The following SNTG1 variants were observed in gnomAD, a reference collection of about 807,000 sequenced individuals.
The protein encoded by SNTG1 is gamma-1-syntrophin.
Under a neutral mutation model 74.7 loss-of-function variants are expected in SNTG1, and 39 were observed. The observed-to-expected ratio is 0.52, with a 90% CI of 0.40 to 0.68. The LOEUF (loss-of-function observed/expected upper bound fraction) is 0.68, where lower values mean the gene tolerates loss of function less well. SNTG1 is among the 30% of genes least tolerant of loss of function. The pLI is 0.00. For synonymous variants in SNTG1, 254 were observed against 217.1 expected, an observed-to-expected ratio of 1.17 and a Z score of -1.49; for missense variants, 685 against 609.5, an observed-to-expected ratio of 1.12 and a Z score of -1.30.
rs188032216 is a variant in SNTG1 at position 50,603,615 on chromosome 8, G to T, written c.849+12698G>T. Among the ~76,000 whole-genome samples the T allele has an allele frequency of 4.3e-3, 649 of 152,134 alleles. 9 individuals are homozygous for T. The highest frequency in any genetic ancestry group is 0.014 in the African/African-American group (587 of 41,512). On this transcript the variant is annotated intron_variant, in intron 13 of 18. Coordinates refer to ENST00000642720, the MANE Select transcript of SNTG1 (RefSeq NM_018967.5). ...GGCATTGAAAATTTGGATATTTATT[G>T]TAGTCCTCACAGTCTAGGCTTGTTA...
intron 1 of SNTG1, among the ~76,000 whole-genome samples, chr8:50,058,056 G>A (rs556722927): frequency 4.5e-4 from 68 of 152,058 alleles, no homozygotes; most frequent in African/African-American, 1.5e-3. Context: ...AATTTCTATG[G>A]GTGAAAAATC....
intron 2 of SNTG1, among the ~76,000 whole-genome samples, chr8:50,361,324 T>A (rs1229703044): frequency 6.6e-6 from 1 of 152,180 alleles, no homozygotes. Flanking sequence ...TTCTTCTGAA[T>A]ACCTCTGGAA....
At chr8:50,739,272 CA>C (rs892624006) in intron 17 of SNTG1, among the ~76,000 whole-genome samples, 8 of 151,940 alleles carry the variant, frequency 5.3e-5, no homozygotes, top group African/African-American at 2.4e-5. Flanking sequence ...CAGACACTCT[CA>C]AAAAAAGACA....
chr8:50,621,950 A>T (rs1437173012), intron 13 of SNTG1, among the ~76,000 whole-genome samples: 1 of 152,174 alleles, frequency 6.6e-6, no homozygotes, highest in Non-Finnish European at 1.5e-5. Context: ...CCTCTGCTCC[A>T]GCCTTGCTCC....
chr8:50,727,297 T>A (rs1163563587), intron 17 of SNTG1, among the ~76,000 whole-genome samples: 1 of 152,166 alleles, frequency 6.6e-6, no homozygotes, highest in Non-Finnish European at 1.5e-5. Flanking sequence ...AAGAGAGTGG[T>A]TGAGGGGAAG....
chr8:50,215,412 T>G (rs992478472), intron 2 of SNTG1, among the ~76,000 whole-genome samples: 76 of 147,332 alleles, frequency 5.2e-4, no homozygotes, highest in African/African-American at 1.5e-3. Context: ...TATATATATA[T>G]ACTATATATA....
intron 4 of SNTG1, among the ~76,000 whole-genome samples, chr8:50,424,402 A>G (rs924172998): frequency 2.0e-5 from 3 of 152,218 alleles, no homozygotes; most frequent in African/African-American, 7.2e-5. Context: ...AGGTGTACCA[A>G]TCAAAAATCT....
chr8:50,543,460 T>C (rs1563550423), intron 11 of SNTG1, among the ~76,000 whole-genome samples: 1 of 146,964 alleles, frequency 6.8e-6, no homozygotes, highest in East Asian at 1.9e-4. Context: ...GTTGTTGTTG[T>C]TGCTGTTGTT....
intron 18 of SNTG1, among the ~76,000 whole-genome samples, chr8:50,790,433 T>C (rs1379688136): frequency 6.6e-6 from 1 of 151,934 alleles, no homozygotes; most frequent in Non-Finnish European, 1.5e-5. Context: ...GGGAAACTTG[T>C]AAGTCTGTGA....
At chr8:50,587,523 C>G (rs2130856240) in intron 12 of SNTG1, among the ~76,000 whole-genome samples, 1 of 152,186 alleles carries the variant, frequency 6.6e-6, no homozygotes, top group African/African-American at 2.4e-5. Flanking sequence ...AAATGTTAGA[C>G]TGTTAAAAAT....
intron 2 of SNTG1, among the ~76,000 whole-genome samples, chr8:50,186,091 T>G (rs1260008118): frequency 6.6e-6 from 1 of 152,162 alleles, no homozygotes; most frequent in Non-Finnish European, 1.5e-5. Flanking sequence ...AGTGAGAACA[T>G]GCAGTGTTTG....
intron 8 of SNTG1, among the ~76,000 whole-genome samples, chr8:50,487,696 A>AG (rs10684146): frequency 0.62 from 86,677 of 139,824 alleles, 28,574 homozygotes; most frequent in East Asian, 0.76. Flanking sequence ...GTGGGGTCGG[A>AG]GGGGGGGGAG....
intron 1 of SNTG1, among the ~76,000 whole-genome samples, chr8:49,992,999 G>A (rs1813833403): frequency 6.6e-6 from 1 of 152,168 alleles, no homozygotes; most frequent in Non-Finnish European, 1.5e-5. Flanking sequence ...GCAGAAATGT[G>A]TAATTAATAA....
intron 1 of SNTG1, among the ~76,000 whole-genome samples, chr8:50,053,088 C>A (rs565016293): frequency 6.6e-6 from 1 of 152,162 alleles, no homozygotes; most frequent in South Asian, 2.1e-4. Context: ...CATATTCACC[C>A]AAGATAAATG....
intron 1 of SNTG1, among the ~76,000 whole-genome samples, chr8:50,035,541 C>T (rs1050267304): frequency 3.9e-5 from 6 of 152,104 alleles, no homozygotes; most frequent in Non-Finnish European, 7.4e-5. Flanking sequence ...ATATTTTGTG[C>T]GTTGTTAAAC....
chr8:50,484,098 T>TTCTC (rs1185306392), intron 8 of SNTG1, among the ~76,000 whole-genome samples: 3 of 108,524 alleles, frequency 2.8e-5, no homozygotes, highest in East Asian at 2.6e-4. Context: ...CTCTCTTTCT[T>TTCTC]TCTCTCTTTC....
At chr8:50,564,247 T>C (rs953659178) in intron 12 of SNTG1, among the ~76,000 whole-genome samples, 1 of 152,082 alleles carries the variant, frequency 6.6e-6, no homozygotes, top group Non-Finnish European at 1.5e-5. Context: ...AGAGTGATAA[T>C]ATAATTAACT....
chr8:50,759,279 A>C (rs1247590967), intron 18 of SNTG1, among the ~76,000 whole-genome samples: 1 of 152,016 alleles, frequency 6.6e-6, no homozygotes, highest in African/African-American at 2.4e-5. Context: ...CTCTGATGAT[A>C]GTCTCTTTTG....
At chr8:50,241,841 G>A (rs1471491246) in intron 2 of SNTG1, among the ~76,000 whole-genome samples, 1 of 152,026 alleles carries the variant, frequency 6.6e-6, no homozygotes, top group Non-Finnish European at 1.5e-5. Context: ...CTCAGAGTAC[G>A]CAGGTAGAAC....
Sources: allele counts gnomAD v4.1 joint callset (sites outside exome capture counted in the v4.1 genomes callset), GRCh38; gene constraint gnomAD v4.1.1; transcripts MANE v1.5; gene names NCBI Gene and HGNC (gene_info 2026-07-23, HGNC 2026-07-21).